Variants in DACH1 observed in about 807,000 individuals in gnomAD.
DACH1 encodes dachshund homolog 1.
In DACH1, 12 loss-of-function variants were observed where a neutral mutation model predicts 54.2. The ratio of observed to expected loss-of-function variants is 0.22; its 90% confidence interval spans 0.14 to 0.36. The LOEUF (loss-of-function observed/expected upper bound fraction) is 0.36, where lower values mean the gene tolerates loss of function less well. Ranked by LOEUF, DACH1 falls within the 10% of genes least tolerant of loss-of-function variation. The probability of loss-of-function intolerance (pLI) is 1.00; values close to 1 mark genes in which losing one functional copy is unlikely to be tolerated. For missense variants in DACH1, 805 were observed against 929.8 expected, an observed-to-expected ratio of 0.87 and a Z score of 1.75; for synonymous variants, 386 against 366.2, an observed-to-expected ratio of 1.05 and a Z score of -0.62.
At chr13:71,572,615 A>G (rs1395752239) in intron 4 of DACH1, among the ~76,000 whole-genome samples, 3 of 152,088 alleles carry the variant, frequency 2.0e-5, no homozygotes, top group Non-Finnish European at 4.4e-5. Flanking sequence ...TTAATGTCCT[A>G]TGTTTTTCTC....
At chr13:71,798,333 T>C (rs1422783431) in intron 1 of DACH1, among the ~76,000 whole-genome samples, 74 of 92,556 alleles carry the variant, frequency 8.0e-4, no homozygotes, top group African/African-American at 3.5e-3. Context: ...CATATATATA[T>C]ATATATATAT....
intron 6 of DACH1, among the ~76,000 whole-genome samples, chr13:71,500,964 A>C (rs1879866637): frequency 6.6e-6 from 1 of 152,136 alleles, no homozygotes; most frequent in Non-Finnish European, 1.5e-5. Flanking sequence ...TAACTTAAGC[A>C]TTCATTTCTA....
At chr13:71,747,872 A>C (rs1009035761) in intron 1 of DACH1, among the ~76,000 whole-genome samples, 7 of 152,116 alleles carry the variant, frequency 4.6e-5, no homozygotes, top group Non-Finnish European at 1.0e-4. Context: ...CAGGACCGAT[A>C]GGTAGGACTT....
At chr13:71,443,170 G>A (rs1874157306) in intron 10 of DACH1, among the ~76,000 whole-genome samples, 1 of 151,346 alleles carries the variant, frequency 6.6e-6, no homozygotes, top group African/African-American at 2.4e-5. Context: ...AGGCAGGGAT[G>A]TCCATGAGAT....
At chr13:71,804,179 C>A (rs943350019) in intron 1 of DACH1, among the ~76,000 whole-genome samples, 10 of 151,846 alleles carry the variant, frequency 6.6e-5, no homozygotes, top group African/African-American at 2.4e-4. Context: ...CGTAGCTGGC[C>A]GTGGTGGCAT....
intron 6 of DACH1, among the ~76,000 whole-genome samples, chr13:71,502,789 C>A (rs187464140): frequency 6.6e-6 from 1 of 152,278 alleles, no homozygotes; most frequent in Admixed American, 6.5e-5. Context: ...TCCAAATCAC[C>A]GTCTTTCAGT....
At chr13:71,695,315 G>A (rs1174980036) in intron 1 of DACH1, among the ~76,000 whole-genome samples, 2 of 152,054 alleles carry the variant, frequency 1.3e-5, no homozygotes, top group Non-Finnish European at 2.9e-5. Context: ...AGGTGACCCT[G>A]GCATGCAAAG....
Position 71,779,250 on chromosome 13 carries a change from T to C in DACH1, c.848+86672A>G, listed in dbSNP as rs912320221. ...ACGTATATATACACATATATACGTA[T>C]ATACGTATATATGTGTATATATACG... On this transcript the variant is annotated intron_variant, in intron 1 of 10. Transcript: ENST00000613252. Among the ~76,000 whole-genome samples the C allele has an allele frequency of 7.2e-5, 5 of 69,842 alleles. 1 individual carries two copies. The highest frequency in any genetic ancestry group is 6.5e-4 in the Admixed American group (5 of 7,662). 45.8% of individuals were successfully genotyped at this position (69,842 alleles called of 152,430 possible). A position where few individuals can be genotyped will look rare whatever the true frequency, so the allele number is the denominator to read the frequency against.
chr13:71,691,956 A>G (rs1881497554), intron 1 of DACH1, among the ~76,000 whole-genome samples: 1 of 151,074 alleles, frequency 6.6e-6, no homozygotes, highest in African/African-American at 2.4e-5. Flanking sequence ...TGTCAACTGA[A>G]GGAGAGGAGG....
chr13:71,450,853 C>T (rs1015957946), intron 10 of DACH1, among the ~76,000 whole-genome samples: 3 of 152,052 alleles, frequency 2.0e-5, no homozygotes, highest in Non-Finnish European at 2.9e-5. Context: ...AGAGGAAAGC[C>T]CTAACTTCAT....
chr13:71,610,028 TA>T (rs1268620371), intron 3 of DACH1, among the ~76,000 whole-genome samples: 2 of 152,130 alleles, frequency 1.3e-5, no homozygotes, highest in Admixed American at 1.3e-4. Flanking sequence ...AACTTTGTTC[TA>T]AAGTATGGCC....
chr13:71,714,668 G>A (rs921444952), intron 1 of DACH1, among the ~76,000 whole-genome samples: 11 of 152,062 alleles, frequency 7.2e-5, no homozygotes, highest in East Asian at 3.9e-4. Context: ...TTTTTATCCC[G>A]TTCTTGAGCT....
intron 2 of DACH1, among the ~76,000 whole-genome samples, chr13:71,673,572 C>T (rs921906988): frequency 6.9e-6 from 1 of 145,308 alleles, no homozygotes; most frequent in African/African-American, 2.5e-5. Context: ...CCCATGGACA[C>T]GGGGTGGGTG....
At chr13:71,649,383 T>C (rs990616869) in intron 2 of DACH1, among the ~76,000 whole-genome samples, 4 of 152,134 alleles carry the variant, frequency 2.6e-5, no homozygotes, top group Admixed American at 2.0e-4. Flanking sequence ...CATTTTAAAA[T>C]TGTGTAAAAT....
At chr13:71,784,502 C>G (rs1168046160) in intron 1 of DACH1, among the ~76,000 whole-genome samples, 1 of 152,042 alleles carries the variant, frequency 6.6e-6, no homozygotes, top group Non-Finnish European at 1.5e-5. Context: ...TCATGTGATT[C>G]ACACCCACTC....
chr13:71,624,739 G>A (rs982382527), intron 3 of DACH1, among the ~76,000 whole-genome samples: 7 of 151,870 alleles, frequency 4.6e-5, no homozygotes, highest in Admixed American at 2.6e-4. Flanking sequence ...TTCACCCTCC[G>A]ATTTGGAATC....
intron 1 of DACH1, among the ~76,000 whole-genome samples, chr13:71,842,899 C>G (rs558840294): frequency 1.3e-5 from 2 of 152,200 alleles, no homozygotes; most frequent in South Asian, 4.2e-4. Context: ...AGAGCACTGG[C>G]TAACAAGGTG....
At chr13:71,659,221 T>C (rs753592007) in intron 2 of DACH1, among the ~76,000 whole-genome samples, 27 of 152,074 alleles carry the variant, frequency 1.8e-4, no homozygotes, top group Non-Finnish European at 2.9e-5. Flanking sequence ...TTCTAAAAAA[T>C]GGAATACAAA....
intron 5 of DACH1, among the ~76,000 whole-genome samples, chr13:71,559,355 C>T (rs574581893): frequency 6.6e-6 from 1 of 152,122 alleles, no homozygotes; most frequent in Non-Finnish European, 1.5e-5. Flanking sequence ...GAAATGTATG[C>T]TTTTTAAGTT....
Sources: gnomAD v4.1 joint callset for allele counts (sites outside exome capture counted in the v4.1 genomes callset) on GRCh38, gnomAD v4.1.1 for gene constraint, MANE v1.5 for transcripts, NCBI Gene and HGNC (gene_info 2026-07-23, HGNC 2026-07-21) for gene names.